The following NCOA1 variants were observed in gnomAD, a reference collection of about 807,000 sequenced individuals.
NCOA1 encodes the protein Hin-2 protein.
Under a neutral mutation model 150.9 loss-of-function variants are expected in NCOA1, and 35 were observed. That is an observed-to-expected ratio of 0.23 (90% CI 0.18 to 0.31). The LOEUF is 0.31. NCOA1 is among the 10% of genes least tolerant of loss of function. The pLI, the probability that NCOA1 is intolerant of heterozygous loss-of-function variation, is 1.00. For missense variants in NCOA1, 1,491 were observed against 1,749.3 expected, an observed-to-expected ratio of 0.85 and a Z score of 2.63; for synonymous variants, 590 against 630.0, an observed-to-expected ratio of 0.94 and a Z score of 0.95.
chr2:24,497,540 C>T lies in NCOA1; in HGVS notation c.-396+5938C>T, dbSNP rs537029308. Among the ~76,000 whole-genome samples the T allele has an allele frequency of 1.7e-4, 26 of 152,160 alleles. No individual in the cohort carries two copies. In the East Asian group the frequency reaches 3.3e-3, roughly 19 times the overall value. The stretch of plus-strand genomic sequence containing the variant: ...TACAAAAAATAGCCGGGTGTGGTGG[C>T]GCAAGCCTGTAGTCCCAGCTACTCA... On this transcript the variant is annotated intron_variant, in intron 1 of 22. Coordinates refer to ENST00000348332, the MANE Select transcript of NCOA1 (RefSeq NM_003743.5).
intron 3 of NCOA1, among the ~76,000 whole-genome samples, chr2:24,621,867 A>C (rs993026020): frequency 6.6e-6 from 1 of 152,126 alleles, no homozygotes; most frequent in Non-Finnish European, 1.5e-5. Context: ...GTATCCTAGG[A>C]AGCTTTGTTA....
At chr2:24,588,047 C>T (rs1393079740) in intron 3 of NCOA1, among the ~76,000 whole-genome samples, 3 of 152,158 alleles carry the variant, frequency 2.0e-5, no homozygotes, top group South Asian at 2.1e-4. Flanking sequence ...AGTTGGCTTC[C>T]CGCTTGCTGT....
intron 17 of NCOA1, 115 bp downstream of exon 17, chr2:24,729,930 C>T: frequency 1.8e-6 from 2 of 1,129,532 alleles, no homozygotes; most frequent in Non-Finnish European, 2.5e-6. Flanking sequence ...ACTGCAACCG[C>T]CGCCTCCCAG....
intron 4 of NCOA1, among the ~76,000 whole-genome samples, chr2:24,645,497 G>A (rs1320186522): frequency 7.1e-6 from 1 of 140,534 alleles, no homozygotes; most frequent in South Asian, 2.3e-4. Context: ...GTGACAGAGC[G>A]AGACTCCTCT....
chr2:24,700,667 A>G (rs1323153395), intron 11 of NCOA1, among the ~76,000 whole-genome samples: 1 of 152,200 alleles, frequency 6.6e-6, no homozygotes, highest in African/African-American at 2.4e-5. Flanking sequence ...GATCCATGCA[A>G]GTGTGTATAG....
intron 19 of NCOA1, 21 bp from the exon 20 acceptor site, chr2:24,751,956 ATAAAT>A: frequency 6.3e-7 from 1 of 1,596,092 alleles, no homozygotes; most frequent in Middle Eastern, 1.7e-4. Flanking sequence ...GTGTATCAAC[ATAAAT>A]TAATTTGTGT....
At chr2:24,614,819 T>C (rs1668805035) in intron 3 of NCOA1, among the ~76,000 whole-genome samples, 1 of 152,222 alleles carries the variant, frequency 6.6e-6, no homozygotes, top group Non-Finnish European at 1.5e-5. Context: ...CTAGTGTTTA[T>C]TGAAAATAAG....
At chr2:24,745,551 G>A (rs1663874865) in intron 19 of NCOA1, among the ~76,000 whole-genome samples, 1 of 152,094 alleles carries the variant, frequency 6.6e-6, no homozygotes. Context: ...GTTCCTTCAA[G>A]CCCATTTAGA....
At chr2:24,613,349 C>T (rs947024088) in intron 3 of NCOA1, among the ~76,000 whole-genome samples, 4 of 152,170 alleles carry the variant, frequency 2.6e-5, no homozygotes, top group Non-Finnish European at 4.4e-5. Context: ...TGGGCTGATA[C>T]GTGGAGTGCA....
intron 5 of NCOA1, among the ~76,000 whole-genome samples, chr2:24,665,294 A>G (rs1159551240): frequency 6.6e-6 from 1 of 152,210 alleles, no homozygotes; most frequent in Non-Finnish European, 1.5e-5. Flanking sequence ...TTAAGAGTTT[A>G]TCAGAGTTAT....
chr2:24,616,025 A>G (rs1000260012), intron 3 of NCOA1, among the ~76,000 whole-genome samples: 4 of 152,226 alleles, frequency 2.6e-5, no homozygotes, highest in Admixed American at 6.5e-5. Context: ...CAATTTTTCA[A>G]AGTAAAATAA....
chr2:24,587,730 G>A (rs1667475583), intron 3 of NCOA1, among the ~76,000 whole-genome samples: 1 of 152,142 alleles, frequency 6.6e-6, no homozygotes. Context: ...TAAGTGGCCA[G>A]TGATTGTTAG....
At chr2:24,629,346 A>C (rs1669573864) in intron 3 of NCOA1, among the ~76,000 whole-genome samples, 1 of 152,166 alleles carries the variant, frequency 6.6e-6, no homozygotes. Context: ...TTTTAGATTT[A>C]GTAGTTGATA....
chr2:24,611,115 T>C (rs1668602999), intron 3 of NCOA1, among the ~76,000 whole-genome samples: 1 of 152,194 alleles, frequency 6.6e-6, no homozygotes, highest in Non-Finnish European at 1.5e-5. Flanking sequence ...TCTCCCTCCC[T>C]GCTCTGTTAG....
chr2:24,736,865 A>T (rs940085132), intron 17 of NCOA1, among the ~76,000 whole-genome samples: 1 of 152,154 alleles, frequency 6.6e-6, no homozygotes, highest in Non-Finnish European at 1.5e-5. Flanking sequence ...TGGCAGAATC[A>T]CCCCTAGTTG....
chr2:24,742,099 A>G lies in NCOA1; in HGVS notation c.3619A>G (p.Arg1207Gly). 6.2e-7 allele frequency: 1 copy of G among 1,614,256 alleles called. No individual in the cohort carries two copies. Among genetic ancestry groups the G allele is most frequent in the Non-Finnish European group, 8.5e-7 (1 of 1,180,040 alleles). Reference sequence around the variant, plus strand: ...GGCCAACCGCAACAGCATGGTGAGCAGAGGCATGACAGGAAACATAGGAGG... The same window carrying G: ...GGCCAACCGCAACAGCATGGTGAGCGGAGGCATGACAGGAAACATAGGAGG... ...SLANRNSMVS[R>G]GMTGNIGGQF... Residue 1207 changes from arginine (R) to glycine (G), a missense_variant, in exon 19 of 23, where the codon AGA becomes GGA. Coordinates refer to ENST00000348332, the MANE Select transcript of NCOA1 (RefSeq NM_003743.5).
chr2:24,587,777 A>C (rs1232182001), intron 3 of NCOA1, among the ~76,000 whole-genome samples: 1 of 152,188 alleles, frequency 6.6e-6, no homozygotes, highest in Non-Finnish European at 1.5e-5. Context: ...AAAGGTCACA[A>C]TCAGTGGTTG....
chr2:24,568,901 C>T (rs547308719), intron 2 of NCOA1, among the ~76,000 whole-genome samples: 3 of 152,274 alleles, frequency 2.0e-5, no homozygotes, highest in Non-Finnish European at 4.4e-5. Flanking sequence ...CTGTTTATCA[C>T]TGAAAAATCA....
chr2:24,596,311 A>G (rs1667882609), intron 3 of NCOA1, among the ~76,000 whole-genome samples: 1 of 152,158 alleles, frequency 6.6e-6, no homozygotes, highest in Non-Finnish European at 1.5e-5. Context: ...TGTTCATTTA[A>G]TAATATCGGT....
Sources: gnomAD v4.1 joint callset for allele counts (sites outside exome capture counted in the v4.1 genomes callset) on GRCh38, gnomAD v4.1.1 for gene constraint, MANE v1.5 for transcripts, NCBI Gene and HGNC (gene_info 2026-07-23, HGNC 2026-07-21) for gene names.